The following DCC variants were observed in gnomAD, a reference collection of about 807,000 sequenced individuals.
DCC encodes the protein netrin receptor DCC.
In DCC, 58 loss-of-function variants were observed where a neutral mutation model predicts 172.5. The ratio of observed to expected loss-of-function variants is 0.34; its 90% CI spans 0.27 to 0.42. The LOEUF (loss-of-function observed/expected upper bound fraction) is 0.42, where lower values mean the gene tolerates loss of function less well. DCC is among the 10% of genes least tolerant of loss of function. DCC has a pLI of 1.00. For missense variants in DCC, 1,740 were observed against 1,791.0 expected (o/e 0.97, Z 0.51); for synonymous variants, 709 against 644.5 (o/e 1.10, Z -1.52).
intron 5 of DCC, among the ~76,000 whole-genome samples, chr18:53,039,972 G>A (rs1348058163): frequency 1.3e-5 from 2 of 151,952 alleles, no homozygotes; most frequent in Non-Finnish European, 2.9e-5. Flanking sequence ...TGGGTGCTCA[G>A]TGGGTGTTTG....
intron 24 of DCC, 33 bp downstream of exon 24, chr18:53,459,491 A>G (rs2145166501): frequency 7.1e-7 from 1 of 1,402,072 alleles, no homozygotes; most frequent in East Asian, 2.3e-5. Flanking sequence ...TAGGGAAAAC[A>G]TACCATTCTG....
intron 1 of DCC, among the ~76,000 whole-genome samples, chr18:52,699,367 C>T (rs1458608298): frequency 6.6e-6 from 1 of 152,114 alleles, no homozygotes; most frequent in African/African-American, 2.4e-5. Context: ...CTGTAATTTT[C>T]TCTGAAACAG....
At chr18:52,875,413 T>C (rs1358207613) in intron 2 of DCC, among the ~76,000 whole-genome samples, 1 of 152,182 alleles carries the variant, frequency 6.6e-6, no homozygotes, top group Non-Finnish European at 1.5e-5. Flanking sequence ...TTACAATCTG[T>C]CTGTCTTCCT....
Position 53,416,561 on chromosome 18 carries a change from T to C in DCC, c.3163+405T>C, listed in dbSNP as rs1002403997. 24 of 251,262 alleles carry C rather than the reference T, an allele frequency of 9.6e-5. No homozygotes were observed. The Admixed American group carries it at 1.1e-3, about 12-fold the overall frequency. The allele number at this position is 251,262 out of a possible 1,614,324, so 15.6% of individuals were successfully genotyped here. On this transcript the variant is annotated intron_variant, in intron 21 of 28. Coordinates refer to ENST00000442544, the MANE Select transcript of DCC (RefSeq NM_005215.4). ...CTCTACAGAGAAAACCCGTAAATTA[T>C]GTGTGATTTTCCTCTGCAATGAGCT...
At chr18:53,248,540 A>T (rs1357817869) in intron 12 of DCC, among the ~76,000 whole-genome samples, 1 of 152,038 alleles carries the variant, frequency 6.6e-6, no homozygotes, top group Non-Finnish European at 1.5e-5. Flanking sequence ...GATTGAGGAC[A>T]ATCCTTCTCC....
chr18:52,535,095 C>T (rs1356684838), intron 1 of DCC, among the ~76,000 whole-genome samples: 1 of 152,176 alleles, frequency 6.6e-6, no homozygotes, highest in African/African-American at 2.4e-5. Context: ...TTATCAGTCA[C>T]TGCATGAACG....
rs531389527 is a variant in DCC at position 52,553,239 on chromosome 18, C to T, written c.92-198815C>T. The stretch of plus-strand genomic sequence containing the variant: ...ACATATATACATATACACACACACA[C>T]ATATATGCTTTAAGCAGCTGATGGT... On this transcript the variant is annotated intron_variant, in intron 1 of 28. Coordinates refer to ENST00000442544, the MANE Select transcript of DCC (RefSeq NM_005215.4). Among the ~76,000 whole-genome samples the T allele has an allele frequency of 5.9e-5, 9 of 152,100 alleles. No individual in the cohort carries two copies. The South Asian group carries it at 1.9e-3, about 32-fold the overall frequency.
chr18:53,013,982 C>T (rs58427689), intron 5 of DCC, among the ~76,000 whole-genome samples: 69,116 of 152,002 alleles, frequency 0.45, 16,618 homozygotes, highest in Non-Finnish European at 0.55. Flanking sequence ...GATTATTTCA[C>T]TGTTCCTCAT....
In DCC at chr18:52,543,806, C is replaced by T. The variant is rs77213732; in HGVS notation, c.91+202928C>T. 5.8e-4 allele frequency among the ~76,000 whole-genome samples: 89 copies of T among 152,200 alleles called. 1 individual carries two copies. The Middle Eastern group carries it at 0.024, about 41-fold the overall frequency. On this transcript the variant is annotated intron_variant, in intron 1 of 28. Transcript: ENST00000442544. Reference sequence around the variant, plus strand: ...AGCTGGGATCCAGCCCTAGCCTTGCCCATTGAGCTGAGCATCCTGTTGAGG... The same window carrying T: ...AGCTGGGATCCAGCCCTAGCCTTGCTCATTGAGCTGAGCATCCTGTTGAGG...
chr18:52,401,184 G>C (rs561577238), intron 1 of DCC, among the ~76,000 whole-genome samples: 1 of 152,064 alleles, frequency 6.6e-6, no homozygotes, highest in South Asian at 2.1e-4. Context: ...AGAAGAAAGG[G>C]TTACTATTTG....
At chr18:52,871,153 A>G (rs1167203723) in intron 2 of DCC, among the ~76,000 whole-genome samples, 1 of 152,096 alleles carries the variant, frequency 6.6e-6, no homozygotes, top group Non-Finnish European at 1.5e-5. Context: ...TTAAAATCTT[A>G]TATATCTTGG....
At chr18:52,894,640 A>C (rs115775281) in intron 2 of DCC, among the ~76,000 whole-genome samples, 2,263 of 152,066 alleles carry the variant, frequency 0.015, 41 homozygotes, top group African/African-American at 0.038. Flanking sequence ...CCCAGGAGAC[A>C]TGATGGTATA....
chr18:52,991,199 T>G (rs549081527), intron 5 of DCC, among the ~76,000 whole-genome samples: 8 of 152,340 alleles, frequency 5.3e-5, no homozygotes, highest in Admixed American at 5.2e-4. Flanking sequence ...CTGTGGCATA[T>G]AGCAGCACAG....
intron 5 of DCC, among the ~76,000 whole-genome samples, chr18:52,944,027 G>A (rs1459826283): frequency 6.6e-6 from 1 of 152,166 alleles, no homozygotes; most frequent in Non-Finnish European, 1.5e-5. Flanking sequence ...CAAAGTGCTA[G>A]GATTACAGGC....
chr18:52,687,301 T>TGA (rs1294456192), intron 1 of DCC, among the ~76,000 whole-genome samples: 1 of 108,002 alleles, frequency 9.3e-6, no homozygotes, highest in African/African-American at 3.7e-5. Context: ...TTTTTTTTTT[T>TGA]GAGAGTAAGT....
intron 5 of DCC, among the ~76,000 whole-genome samples, chr18:52,978,440 A>G (rs2041157704): frequency 6.6e-6 from 1 of 152,218 alleles, no homozygotes; most frequent in Non-Finnish European, 1.5e-5. Context: ...ATCAAACTGC[A>G]TAGAGGCCGA....
At chr18:52,989,956 T>A (rs923702165) in intron 5 of DCC, among the ~76,000 whole-genome samples, 16 of 152,140 alleles carry the variant, frequency 1.1e-4, no homozygotes, top group Non-Finnish European at 1.9e-4. Context: ...TCAGGCAGCA[T>A]CTGAGATGTA....
chr18:52,480,303 G>C (rs892336988), intron 1 of DCC, among the ~76,000 whole-genome samples: 2 of 152,046 alleles, frequency 1.3e-5, no homozygotes, highest in Non-Finnish European at 1.5e-5. Context: ...ATAATTTTTG[G>C]CTTAAAATGA....
At chr18:52,429,787 G>A (rs191045315) in intron 1 of DCC, among the ~76,000 whole-genome samples, 202 of 152,178 alleles carry the variant, frequency 1.3e-3, no homozygotes, top group Admixed American at 2.3e-3. Flanking sequence ...ACCAGTAACA[G>A]TCATAGATAT....
Sources: gnomAD v4.1 joint callset for allele counts (sites outside exome capture counted in the v4.1 genomes callset) on GRCh38, gnomAD v4.1.1 for gene constraint, MANE v1.5 for transcripts, NCBI Gene and HGNC (gene_info 2026-07-23, HGNC 2026-07-21) for gene names.